ROBO1: variants seen among roughly 807,000 people sequenced by gnomAD.
ROBO1 encodes roundabout guidance receptor 1.
ROBO1 carries 149 observed loss-of-function variants against 195.9 expected under a neutral mutation model. The observed-to-expected ratio is 0.76, with a 90% CI of 0.67 to 0.87. The LOEUF is 0.87. ROBO1 is among the 40% of genes least tolerant of loss of function. The pLI, the probability that ROBO1 is intolerant of heterozygous loss-of-function variation, is 0.00. For synonymous variants in ROBO1, 816 were observed against 733.2 expected, an observed-to-expected ratio of 1.11 and a Z score of -1.82; for missense variants, 1,933 against 2,068.3, an observed-to-expected ratio of 0.93 and a Z score of 1.27.
chr3:79,310,123 T>C (rs1310483336), intron 2 of ROBO1, among the ~76,000 whole-genome samples: 1 of 152,130 alleles, frequency 6.6e-6, no homozygotes, highest in Non-Finnish European at 1.5e-5. Context: ...AGATTTGCAA[T>C]TAGATCCTAA....
intron 3 of ROBO1, among the ~76,000 whole-genome samples, chr3:79,090,998 G>A (rs1348911110): frequency 1.3e-5 from 2 of 152,056 alleles, no homozygotes; most frequent in Non-Finnish European, 1.5e-5. Context: ...TTAGATTTCA[G>A]AAAGAGTGCG....
chr3:78,598,951 C>T (rs756544298), intron 30 of ROBO1, 24 bp from the exon 31 acceptor site: 13 of 1,493,386 alleles, frequency 8.7e-6, no homozygotes, highest in East Asian at 4.6e-5. Flanking sequence ...GTTATTGTCA[C>T]ATTTGAAAAT....
intron 2 of ROBO1, among the ~76,000 whole-genome samples, chr3:79,301,265 C>T (rs142282569): frequency 1.6e-3 from 237 of 152,248 alleles, no homozygotes; most frequent in Middle Eastern, 6.8e-3. Flanking sequence ...AACTCCAGAG[C>T]GCCACCTTAA....
chr3:78,923,368 T>C (rs763743790), intron 4 of ROBO1, among the ~76,000 whole-genome samples: 32 of 152,130 alleles, frequency 2.1e-4, no homozygotes, highest in Admixed American at 8.5e-4. Context: ...CCCTGGTTTG[T>C]TTCATTTATT....
At chr3:78,879,057 G>T (rs1009345389) in intron 4 of ROBO1, among the ~76,000 whole-genome samples, 1 of 152,134 alleles carries the variant, frequency 6.6e-6, no homozygotes, top group Non-Finnish European at 1.5e-5. Flanking sequence ...GCAGTTGTCT[G>T]CTCTTTCCTT....
At chr3:79,282,386 A>G (rs1490196060) in intron 2 of ROBO1, among the ~76,000 whole-genome samples, 1 of 152,222 alleles carries the variant, frequency 6.6e-6, no homozygotes, top group Non-Finnish European at 1.5e-5. Flanking sequence ...GACTGATCTA[A>G]GAGAATGAGT....
chr3:79,052,708 A>G (rs2108371021), intron 3 of ROBO1, among the ~76,000 whole-genome samples: 1 of 152,222 alleles, frequency 6.6e-6, no homozygotes, highest in South Asian at 2.1e-4. Flanking sequence ...AATAGAAAAG[A>G]ACCTACATTG....
At chr3:78,944,459 C>G (rs530666188) in intron 3 of ROBO1, among the ~76,000 whole-genome samples, 4 of 152,274 alleles carry the variant, frequency 2.6e-5, no homozygotes, top group Admixed American at 2.6e-4. Flanking sequence ...ATGCCTGCAC[C>G]CTGATGTCAG....
chr3:79,546,832 T>C (rs1057362595), intron 2 of ROBO1, among the ~76,000 whole-genome samples: 1 of 152,200 alleles, frequency 6.6e-6, no homozygotes, highest in Non-Finnish European at 1.5e-5. Context: ...TGCTGATTCT[T>C]TAAGTTGAAT....
intron 2 of ROBO1, among the ~76,000 whole-genome samples, chr3:79,268,658 C>T (rs2030223530): frequency 6.6e-6 from 1 of 151,630 alleles, no homozygotes. Flanking sequence ...GACAAAATGA[C>T]TTCCATATCC....
chr3:79,685,075 T>C (rs1455678530), intron 1 of ROBO1, among the ~76,000 whole-genome samples: 1 of 152,230 alleles, frequency 6.6e-6, no homozygotes, highest in Non-Finnish European at 1.5e-5. Context: ...TTTCCGTTTA[T>C]TTGTATAGTG....
intron 4 of ROBO1, among the ~76,000 whole-genome samples, chr3:78,896,156 A>G (rs762549710): frequency 6.6e-6 from 1 of 152,198 alleles, no homozygotes; most frequent in Admixed American, 6.5e-5. Flanking sequence ...AGTTATTCAT[A>G]TAGGTATGGT....
intron 4 of ROBO1, among the ~76,000 whole-genome samples, chr3:78,909,397 T>G (rs986912065): frequency 1.3e-5 from 2 of 151,858 alleles, no homozygotes. Flanking sequence ...CAGAAAGGAA[T>G]ATGTAGCCAA....
At chr3:79,395,254 A>G (rs1414045066) in intron 2 of ROBO1, among the ~76,000 whole-genome samples, 2 of 146,636 alleles carry the variant, frequency 1.4e-5, no homozygotes, top group South Asian at 2.2e-4. Context: ...CCCGGGAGGC[A>G]GAGCTTGCAG....
intron 3 of ROBO1, among the ~76,000 whole-genome samples, chr3:78,958,439 G>C (rs1255289717): frequency 2.0e-5 from 3 of 152,072 alleles, no homozygotes; most frequent in Non-Finnish European, 4.4e-5. Context: ...ACATTTCAAT[G>C]GTTTAAACAT....
chr3:78,663,248 G>A (rs1035370118), intron 14 of ROBO1, among the ~76,000 whole-genome samples: 15 of 151,100 alleles, frequency 9.9e-5, no homozygotes, highest in African/African-American at 2.4e-4. Context: ...AGATGACATC[G>A]AGATTGATAT....
intron 8 of ROBO1, among the ~76,000 whole-genome samples, chr3:78,702,371 T>G (rs1260163885): frequency 1.3e-5 from 2 of 152,166 alleles, no homozygotes; most frequent in African/African-American, 4.8e-5. Flanking sequence ...GTAAAGGTGT[T>G]CTTCATGTGA....
chr3:79,454,229 A>C (rs2039542687), intron 2 of ROBO1, among the ~76,000 whole-genome samples: 1 of 151,880 alleles, frequency 6.6e-6, no homozygotes, highest in Non-Finnish European at 1.5e-5. Flanking sequence ...ATTTCATTAC[A>C]TGAAGAAAAA....
At chr3:78,678,741 G>A (rs1170260430) in intron 10 of ROBO1, among the ~76,000 whole-genome samples, 2 of 152,176 alleles carry the variant, frequency 1.3e-5, no homozygotes, top group African/African-American at 2.4e-5. Context: ...AATTCTACCA[G>A]AGGTACAAGG....
Sources: allele counts gnomAD v4.1 joint callset (sites outside exome capture counted in the v4.1 genomes callset), GRCh38; gene constraint gnomAD v4.1.1; transcripts MANE v1.5; gene names NCBI Gene and HGNC (gene_info 2026-07-23, HGNC 2026-07-21).